The following PCSK5 variants were observed in gnomAD, a reference collection of about 807,000 sequenced individuals.
PCSK5 encodes the protein proprotein convertase subtilisin/kexin type 5.
Under a neutral mutation model 233.2 loss-of-function variants are expected in PCSK5, and 129 were observed. The ratio of observed to expected loss-of-function variants is 0.55; its 90% CI spans 0.48 to 0.64. The LOEUF is 0.64. Among genes scored for constraint, PCSK5 ranks in the 30% least tolerant of loss-of-function variants. The probability of loss-of-function intolerance (pLI) is 0.00; values close to 1 mark genes in which losing one functional copy is unlikely to be tolerated. For synonymous variants in PCSK5, 825 were observed against 879.2 expected (o/e 0.94, Z 1.09); for missense variants, 2,076 against 2,430.1 (o/e 0.85, Z 3.06).
chr9:76,318,829 T>C (rs1241999253), intron 30 of PCSK5, among the ~76,000 whole-genome samples: 1 of 152,226 alleles, frequency 6.6e-6, no homozygotes. Context: ...TAAATGTTTT[T>C]AAAATTTATT....
chr9:75,975,687 A>G (rs1825986353), intron 2 of PCSK5, among the ~76,000 whole-genome samples: 1 of 152,230 alleles, frequency 6.6e-6, no homozygotes, highest in African/African-American at 2.4e-5. Flanking sequence ...CCATTAAGTG[A>G]TTAATGCTTT....
intron 14 of PCSK5, among the ~76,000 whole-genome samples, chr9:76,178,744 G>C (rs1317018368): frequency 6.6e-6 from 1 of 152,204 alleles, no homozygotes; most frequent in Non-Finnish European, 1.5e-5. Context: ...CAGTGGGAAA[G>C]AGTTTGCAGA....
intron 2 of PCSK5, among the ~76,000 whole-genome samples, chr9:75,979,845 T>C (rs1226866227): frequency 1.3e-5 from 2 of 152,206 alleles, no homozygotes; most frequent in Non-Finnish European, 2.9e-5. Context: ...CATTATTTAC[T>C]TTTTGCATCA....
chr9:76,248,460 T>G (rs948902200), intron 24 of PCSK5, among the ~76,000 whole-genome samples: 2 of 152,144 alleles, frequency 1.3e-5, no homozygotes, highest in Non-Finnish European at 2.9e-5. Flanking sequence ...AAAGCTCTTT[T>G]TTACAGAAAC....
chr9:76,209,753 T>C (rs1384521136), intron 20 of PCSK5, among the ~76,000 whole-genome samples: 1 of 151,606 alleles, frequency 6.6e-6, no homozygotes, highest in East Asian at 1.9e-4. Flanking sequence ...CCAGTTGATA[T>C]ACATAATTAT....
At chr9:75,954,258 A>G (rs946841442) in intron 2 of PCSK5, among the ~76,000 whole-genome samples, 9 of 152,106 alleles carry the variant, frequency 5.9e-5, no homozygotes, top group Non-Finnish European at 1.3e-4. Flanking sequence ...TTGGAACTCT[A>G]TTGTTCAGAT....
At position 76,156,230 on chromosome 9, in the gene PCSK5, A is replaced by G. The variant is rs528111564; in HGVS notation, c.1313-815A>G. ...TTAAAGTATTTTTAGAAAGATCTGC[A>G]CATGTATATATTACTGTATCAGTCA... On this transcript the variant is annotated intron_variant, in intron 10 of 37. Transcript: ENST00000674117. Among the ~76,000 whole-genome samples the G allele has an allele frequency of 1.2e-3, 62 of 53,354 alleles. No individual in the cohort carries two copies. In the South Asian group the frequency reaches 0.036, roughly 31 times the overall value. The allele number at this position is 53,354 out of a possible 152,430, so 35.0% of individuals were successfully genotyped here.
intron 24 of PCSK5, among the ~76,000 whole-genome samples, chr9:76,250,800 A>G (rs1826777393): frequency 6.6e-6 from 1 of 152,252 alleles, no homozygotes. Context: ...GTTAGTAATA[A>G]CCACATTATA....
At chr9:76,356,803 G>C (rs1830314103) in intron 37 of PCSK5, among the ~76,000 whole-genome samples, 1 of 152,126 alleles carries the variant, frequency 6.6e-6, no homozygotes, top group African/African-American at 2.4e-5. Flanking sequence ...ATTGCACCTT[G>C]GCAGCAGTGT....
At chr9:75,999,635 G>A (rs947971910) in intron 3 of PCSK5, among the ~76,000 whole-genome samples, 9 of 152,356 alleles carry the variant, frequency 5.9e-5, no homozygotes, top group East Asian at 3.9e-4. Context: ...GCCCTGGGTG[G>A]CCCAGGTGTT....
At chr9:76,279,724 T>C (rs1181209730) in intron 24 of PCSK5, among the ~76,000 whole-genome samples, 1 of 152,052 alleles carries the variant, frequency 6.6e-6, no homozygotes, top group Admixed American at 6.6e-5. Context: ...TTGAGAAGTG[T>C]CTGTTCATGT....
intron 5 of PCSK5, among the ~76,000 whole-genome samples, chr9:76,029,072 G>T (rs952396608): frequency 6.6e-6 from 1 of 152,090 alleles, no homozygotes; most frequent in African/African-American, 2.4e-5. Flanking sequence ...CCTGCTGTTG[G>T]GGGCAGGTGG....
At chr9:76,031,491 C>A (rs1054534634) in intron 5 of PCSK5, among the ~76,000 whole-genome samples, 1 of 152,078 alleles carries the variant, frequency 6.6e-6, no homozygotes, top group Non-Finnish European at 1.5e-5. Context: ...AGATTGAGAC[C>A]AGCCTGGGAA....
At chr9:75,993,698 G>A (rs1826872176) in intron 3 of PCSK5, among the ~76,000 whole-genome samples, 1 of 152,128 alleles carries the variant, frequency 6.6e-6, no homozygotes, top group South Asian at 2.1e-4. Context: ...AGGGTACAAA[G>A]CACAATCAGC....
chr9:76,192,609 AATTTAATTCTTC>A (rs1824453828), intron 20 of PCSK5, among the ~76,000 whole-genome samples: 1 of 83,950 alleles, frequency 1.2e-5, no homozygotes, highest in Admixed American at 1.4e-4. Flanking sequence ...TCTTGTGTTG[AATTTAATTCTTC>A]TTCTTGTGTT....
At chr9:75,974,427 A>G (rs1041882091) in intron 2 of PCSK5, among the ~76,000 whole-genome samples, 11 of 152,174 alleles carry the variant, frequency 7.2e-5, no homozygotes, top group Non-Finnish European at 1.5e-4. Context: ...GCCTCAGGCA[A>G]CTGGATTTAG....
chr9:76,092,820 G>T (rs948090780), intron 7 of PCSK5, among the ~76,000 whole-genome samples: 1 of 152,116 alleles, frequency 6.6e-6, no homozygotes, highest in Non-Finnish European at 1.5e-5. Context: ...CCGTCTATGG[G>T]TAAAACCCCT....
intron 8 of PCSK5, among the ~76,000 whole-genome samples, chr9:76,106,687 G>A (rs778980772): frequency 2.4e-4 from 36 of 152,108 alleles, no homozygotes; most frequent in African/African-American, 8.2e-4. Context: ...TGGTTCATCC[G>A]TGCAACATTT....
At chr9:76,304,308 CCTAT>C (rs1443172704) in intron 28 of PCSK5, among the ~76,000 whole-genome samples, 2 of 152,222 alleles carry the variant, frequency 1.3e-5, no homozygotes, top group Non-Finnish European at 2.9e-5. Context: ...GTCTATCCAT[CCTAT>C]CTATGTATGT....
Sources: gnomAD v4.1 joint callset for allele counts (sites outside exome capture counted in the v4.1 genomes callset) on GRCh38, gnomAD v4.1.1 for gene constraint, MANE v1.5 for transcripts, NCBI Gene and HGNC (gene_info 2026-07-23, HGNC 2026-07-21) for gene names.